The following PGM5 variants were observed in gnomAD, a reference collection of about 807,000 sequenced individuals.
PGM5 encodes the protein phosphoglucomutase 5.
A neutral mutation model predicts 59.2 loss-of-function variants in PGM5; 23 were observed. That is an observed-to-expected ratio of 0.39 (90% CI 0.28 to 0.55). The LOEUF is 0.55. Ranked by LOEUF, PGM5 falls within the 20% of genes least tolerant of loss-of-function variation. PGM5 has a pLI of 0.66. For missense variants in PGM5, 574 were observed against 748.3 expected, an observed-to-expected ratio of 0.77 and a Z score of 2.72; for synonymous variants, 214 against 286.0, an observed-to-expected ratio of 0.75 and a Z score of 2.54.
intron 10 of PGM5, among the ~76,000 whole-genome samples, chr9:68,524,670 C>A (rs1470680826): frequency 6.6e-6 from 1 of 152,154 alleles, no homozygotes; most frequent in Non-Finnish European, 1.5e-5. Context: ...TCAGTCCTAC[C>A]CAACTCCTCA....
At chr9:68,492,680 A>T (rs1287318285) in intron 9 of PGM5, among the ~76,000 whole-genome samples, 9 of 152,142 alleles carry the variant, frequency 5.9e-5, no homozygotes, top group Admixed American at 3.3e-4. Flanking sequence ...ACCTGTTTTT[A>T]ACTCACACAA....
chr9:68,434,316 C>CAAAAAAAAAAAAAAAA (rs71353054), intron 6 of PGM5, among the ~76,000 whole-genome samples: 2 of 90,832 alleles, frequency 2.2e-5, no homozygotes, highest in Non-Finnish European at 4.2e-5. Flanking sequence ...GACTCCGTCT[C>CAAAAAAAAAAAAAAAA]AAAAAAAAAA....
rs930617544 is a variant in PGM5, at chr9:68,436,655, A to G, written c.1044-28438A>G. On this transcript the variant is annotated intron_variant, in intron 6 of 10. Coordinates refer to ENST00000396396, the MANE Select transcript of PGM5 (RefSeq NM_021965.4). ...TTTCTGTGTCCTCACTGCCAAGTGTATTTGTACCAACCACTTCATCTCACA... is the reference window on the plus strand; with the variant it reads ...TTTCTGTGTCCTCACTGCCAAGTGTGTTTGTACCAACCACTTCATCTCACA... 2.0e-5 allele frequency among the ~76,000 whole-genome samples: 3 copies of G among 152,200 alleles called. No homozygotes were observed. The South Asian group carries it at 6.2e-4, about 32-fold the overall frequency.
At chr9:68,509,639 G>A (rs1400947277) in intron 10 of PGM5, among the ~76,000 whole-genome samples, 1 of 152,208 alleles carries the variant, frequency 6.6e-6, no homozygotes, top group African/African-American at 2.4e-5. Flanking sequence ...ACAGGAGGCA[G>A]CATGAGCAAA....
rs762959735 is a variant in PGM5, at chr9:68,378,206, G to A, written c.269G>A (p.Arg90Gln). Residue 90 changes from arginine (R) to glutamine (Q), a missense_variant, in exon 2 of 11, where the codon CGA (arginine) becomes CAA (glutamine). By Grantham distance (43) the Arg-to-Gln change is conservative. This residue lies in a region of PGM5 where 61 missense variants were observed against 133.3 expected (regional missense o/e 0.46). Transcript: ENST00000396396. ...VQMAAANGIG[R>Q]LIIGQNGILS... ...TTTTTTTGGATGGTTTAGATTGGACGACTGATTATTGGACAGAATGGCATC... is the reference window on the plus strand; with the variant it reads ...TTTTTTTGGATGGTTTAGATTGGACAACTGATTATTGGACAGAATGGCATC... The A allele has an allele frequency of 1.2e-5, 19 of 1,551,688 alleles. No individual in the cohort carries two copies. Among genetic ancestry groups the A allele is most frequent in the Non-Finnish European group, 1.6e-5 (18 of 1,154,096 alleles).
chr9:68,361,906 AG>A (rs1834587011), intron 1 of PGM5, among the ~76,000 whole-genome samples: 5 of 151,970 alleles, frequency 3.3e-5, no homozygotes, highest in Admixed American at 3.3e-4. Flanking sequence ...GATGATCGCA[AG>A]GTTAGGGCGA....
chr9:68,424,984 A>G (rs1267599452), intron 6 of PGM5, among the ~76,000 whole-genome samples: 1 of 152,356 alleles, frequency 6.6e-6, no homozygotes, highest in African/African-American at 2.4e-5. Flanking sequence ...ACAAATTTCT[A>G]CTAAGACAAA....
intron 8 of PGM5, among the ~76,000 whole-genome samples, chr9:68,481,552 C>T (rs1191557881): frequency 1.3e-5 from 2 of 152,142 alleles, no homozygotes; most frequent in African/African-American, 2.4e-5. Flanking sequence ...CAACCTCTGG[C>T]CTAGTGAGAT....
chr9:68,479,540 C>G lies in PGM5; in HGVS notation c.1282C>G (p.His428Asp). The G allele has an allele frequency of 6.2e-7, 1 of 1,614,026 alleles. No individual in the cohort carries two copies. The highest frequency in any genetic ancestry group is 8.5e-7 in the Non-Finnish European group (1 of 1,179,962). Residue 428 changes from histidine to aspartate, a missense_variant, in exon 8 of 11, where the codon CAC becomes GAC. Physicochemically the swap from His to Asp is moderately conservative, Grantham distance 81. This residue lies in a region of PGM5 where 300 missense variants were observed against 280.0 expected (regional missense o/e 1.07). Coordinates refer to ENST00000396396, the MANE Select transcript of PGM5 (RefSeq NM_021965.4). ...VRDHWAKFGR[H>D]YYCRFDYEGL... ...AGATCACTGGGCCAAATTTGGCCGC[C>G]ACTACTATTGCAGGTGAGGAGAAGG...
At chr9:68,491,674 CA>C (rs2132099376) in intron 9 of PGM5, among the ~76,000 whole-genome samples, 1 of 152,302 alleles carries the variant, frequency 6.6e-6, no homozygotes, top group South Asian at 2.1e-4. Flanking sequence ...AACGCATATT[CA>C]GTACTTTATA....
intron 7 of PGM5, among the ~76,000 whole-genome samples, chr9:68,470,855 A>G (rs1157552027): frequency 2.0e-5 from 3 of 152,218 alleles, no homozygotes; most frequent in Non-Finnish European, 4.4e-5. Flanking sequence ...GGCTGAGTGC[A>G]TGTGTGCATT....
intron 6 of PGM5, among the ~76,000 whole-genome samples, chr9:68,439,113 A>T (rs1433548547): frequency 6.6e-6 from 1 of 152,070 alleles, no homozygotes; most frequent in Non-Finnish European, 1.5e-5. Flanking sequence ...CTGAAGTCCC[A>T]ACACTTTGGG....
At chr9:68,456,229 T>C (rs1823772350) in intron 6 of PGM5, among the ~76,000 whole-genome samples, 2 of 151,676 alleles carry the variant, frequency 1.3e-5, no homozygotes, top group South Asian at 2.1e-4. Flanking sequence ...TCTTGCTGTC[T>C]TTTTTTTTCT....
Position 68,458,640 on chromosome 9 carries a change from T to G in PGM5, c.1044-6453T>G, listed in dbSNP as rs532173158. ...TAAGACAGGCAAGGCAGGGGTTATTTAATATGTGGATTTTGAAGTTTAGAC... is the reference window on the plus strand; with the variant it reads ...TAAGACAGGCAAGGCAGGGGTTATTGAATATGTGGATTTTGAAGTTTAGAC... On this transcript the variant is annotated intron_variant, in intron 6 of 10. Coordinates refer to ENST00000396396, the MANE Select transcript of PGM5 (RefSeq NM_021965.4). Among the ~76,000 whole-genome samples, 119 of 152,324 alleles carry G rather than the reference T, an allele frequency of 7.8e-4. 1 individual carries two copies. In the East Asian group the frequency reaches 0.02, roughly 26 times the overall value.
chr9:68,523,020 C>T (rs1228623276), intron 10 of PGM5, among the ~76,000 whole-genome samples: 1 of 152,168 alleles, frequency 6.6e-6, no homozygotes, highest in Non-Finnish European at 1.5e-5. Context: ...GATTTAGTTC[C>T]CACTACTAAC....
chr9:68,408,050 T>C (rs58172896), intron 6 of PGM5, among the ~76,000 whole-genome samples: 33,354 of 152,208 alleles, frequency 0.22, 4,105 homozygotes, highest in South Asian at 0.36. Flanking sequence ...AAGCCATTAG[T>C]CAATTTCACT....
chr9:68,384,757 G>A (rs1412187893), intron 3 of PGM5, among the ~76,000 whole-genome samples: 2 of 148,820 alleles, frequency 1.3e-5, no homozygotes, highest in African/African-American at 5.0e-5. Flanking sequence ...TCCCAAACTC[G>A]ATATCATTTT....
In PGM5 at chr9:68,448,258, T is replaced by G. The variant is rs116960270; in HGVS notation, c.1044-16835T>G. Among the ~76,000 whole-genome samples the G allele has an allele frequency of 1.4e-4, 21 of 152,232 alleles. No homozygotes were observed. In the East Asian group the frequency reaches 3.3e-3, roughly 24 times the overall value. ...TGACAGTATGTGTCCTCCAAAGGTA[T>G]GAACCCTCTGTTCTGGGACAGGTCT... On this transcript the variant is annotated intron_variant, in intron 6 of 10. Transcript: ENST00000396396.
chr9:68,400,735 G>A lies in PGM5; in HGVS notation c.1043+8262G>A, dbSNP rs1822645883. ...ATTTGTGGTTTTCGTTTACATTTAG[G>A]TGAGTTTGTAATGAGTTGGATTTTT... On this transcript the variant is annotated intron_variant, in intron 6 of 10. Transcript: ENST00000396396. The A allele has an allele frequency of 2.0e-5, 3 of 152,486 alleles. No homozygotes were observed. The East Asian group carries it at 5.8e-4, about 30-fold the overall frequency. The allele number at this position is 152,486 out of a possible 1,614,324, so 9.4% of individuals were successfully genotyped here.
Sources: gnomAD v4.1 joint callset for allele counts (sites outside exome capture counted in the v4.1 genomes callset) on GRCh38, gnomAD v4.1.1 for gene constraint, gnomAD v4.1.1 regional missense constraint, MANE v1.5 for transcripts, NCBI Gene and HGNC (gene_info 2026-07-23, HGNC 2026-07-21) for gene names.